The following MEF2A variants were observed in gnomAD, a reference collection of about 807,000 sequenced individuals.
The protein encoded by MEF2A is myocyte enhancer factor 2A.
A neutral mutation model predicts 55.8 loss-of-function variants in MEF2A; 28 were observed. The ratio of observed to expected loss-of-function variants is 0.50; its 90% CI spans 0.37 to 0.69. The LOEUF (loss-of-function observed/expected upper bound fraction) is 0.69, where lower values mean the gene tolerates loss of function less well. MEF2A is among the 30% of genes least tolerant of loss of function. The pLI, the probability that MEF2A is intolerant of heterozygous loss-of-function variation, is 0.00. For missense variants in MEF2A, 528 were observed against 626.2 expected (o/e 0.84, Z 1.67); for synonymous variants, 239 against 227.1 (o/e 1.05, Z -0.47).
chr15:99,651,740 A>G (rs1349558122), intron 4 of MEF2A, among the ~76,000 whole-genome samples: 2 of 152,188 alleles, frequency 1.3e-5, no homozygotes, highest in African/African-American at 4.8e-5. Context: ...ATATTATTTA[A>G]TCATACAATT....
intron 4 of MEF2A, among the ~76,000 whole-genome samples, chr15:99,666,208 C>G (rs1461477787): frequency 1.3e-5 from 2 of 151,972 alleles, no homozygotes; most frequent in East Asian, 1.9e-4. Flanking sequence ...CAGTGATAGA[C>G]TGGATAAAGA....
At chr15:99,578,134 A>C (rs893623026) in intron 1 of MEF2A, among the ~76,000 whole-genome samples, 1 of 152,146 alleles carries the variant, frequency 6.6e-6, no homozygotes, top group African/African-American at 2.4e-5. Flanking sequence ...TTCAGCATTC[A>C]TTGCTGGAAC....
chr15:99,707,453 C>T (rs1374689661), intron 10 of MEF2A, among the ~76,000 whole-genome samples: 1 of 152,084 alleles, frequency 6.6e-6, no homozygotes, highest in Non-Finnish European at 1.5e-5. Flanking sequence ...GCTTTTCCTT[C>T]ATTTATGTTT....
In MEF2A at chr15:99,608,867, C is replaced by T. The variant is rs567799302; in HGVS notation, c.-143+10356C>T. ...AGTGAGTTGAGATCGTGCCATTGGACTCCAGCCTGGGTAATAAGAGTGAAA... is the reference window on the plus strand; with the variant it reads ...AGTGAGTTGAGATCGTGCCATTGGATTCCAGCCTGGGTAATAAGAGTGAAA... On this transcript the variant is annotated intron_variant, in intron 2 of 11. Coordinates refer to ENST00000557942, the MANE Select transcript of MEF2A (RefSeq NM_001319206.4). 4.0e-5 allele frequency among the ~76,000 whole-genome samples: 6 copies of T among 151,816 alleles called. No individual in the cohort carries two copies. The South Asian group carries it at 8.3e-4, about 21-fold the overall frequency.
chr15:99,612,349 G>A (rs955598967), intron 2 of MEF2A, among the ~76,000 whole-genome samples: 1 of 148,668 alleles, frequency 6.7e-6, no homozygotes, highest in Non-Finnish European at 1.5e-5. Context: ...CCCGGGAGGC[G>A]GAGCTTGCAG....
At chr15:99,593,882 G>T (rs1970212151) in intron 1 of MEF2A, among the ~76,000 whole-genome samples, 1 of 152,024 alleles carries the variant, frequency 6.6e-6, no homozygotes, top group Admixed American at 6.6e-5. Context: ...TATTAAAAAA[G>T]ATGTTTTGTT....
chr15:99,598,982 A>T (rs1596371704), intron 2 of MEF2A, among the ~76,000 whole-genome samples: 1 of 152,240 alleles, frequency 6.6e-6, no homozygotes, highest in Non-Finnish European at 1.5e-5. Flanking sequence ...ATTTTAGGGG[A>T]TCTTTTAAAA....
chr15:99,645,181 G>T (rs1359774379), intron 3 of MEF2A, among the ~76,000 whole-genome samples: 1 of 152,170 alleles, frequency 6.6e-6, no homozygotes, highest in Non-Finnish European at 1.5e-5. Flanking sequence ...GTATTTAGTT[G>T]TTTAGGGATC....
At chr15:99,585,470 T>C (rs781188291) in intron 1 of MEF2A, among the ~76,000 whole-genome samples, 2 of 152,238 alleles carry the variant, frequency 1.3e-5, no homozygotes, top group Non-Finnish European at 2.9e-5. Flanking sequence ...TTTAAGACCT[T>C]ATTAGTTTTT....
intron 5 of MEF2A, among the ~76,000 whole-genome samples, chr15:99,674,013 A>G (rs1381311962): frequency 6.6e-6 from 1 of 152,130 alleles, no homozygotes; most frequent in Non-Finnish European, 1.5e-5. Flanking sequence ...TAGAAATGTA[A>G]TGTTATTAAG....
chr15:99,571,765 C>T (rs1399506624), intron 1 of MEF2A, among the ~76,000 whole-genome samples: 1 of 152,104 alleles, frequency 6.6e-6, no homozygotes, highest in East Asian at 1.9e-4. Flanking sequence ...GGTGTCTCTG[C>T]TGGCATTCCC....
At chr15:99,604,660 G>A (rs1217398178) in intron 2 of MEF2A, among the ~76,000 whole-genome samples, 1 of 147,206 alleles carries the variant, frequency 6.8e-6, no homozygotes, top group Non-Finnish European at 1.5e-5. Flanking sequence ...TCCCTATAAT[G>A]TTTGGATGCT....
chr15:99,662,886 A>G (rs994837406), intron 4 of MEF2A, among the ~76,000 whole-genome samples: 1 of 152,216 alleles, frequency 6.6e-6, no homozygotes, highest in African/African-American at 2.4e-5. Flanking sequence ...TGTCATAGCA[A>G]TGAGATTTAA....
chr15:99,691,232 C>T (rs1018176948), intron 8 of MEF2A, among the ~76,000 whole-genome samples: 1 of 151,404 alleles, frequency 6.6e-6, no homozygotes, highest in Non-Finnish European at 1.5e-5. Context: ...GAGGAAACCC[C>T]TCGAATGAGT....
intron 2 of MEF2A, among the ~76,000 whole-genome samples, chr15:99,623,299 C>G (rs984085789): frequency 1.3e-5 from 2 of 152,142 alleles, no homozygotes; most frequent in African/African-American, 2.4e-5. Context: ...TTAGTTTATT[C>G]TCCCACAGGT....
At chr15:99,644,994 T>A (rs902914256) in intron 3 of MEF2A, among the ~76,000 whole-genome samples, 8 of 152,006 alleles carry the variant, frequency 5.3e-5, no homozygotes, top group South Asian at 2.1e-4. Context: ...AATAAAAAAA[T>A]TTTTTGGGGG....
chr15:99,594,883 C>T (rs1225825460), intron 1 of MEF2A, among the ~76,000 whole-genome samples: 1 of 152,210 alleles, frequency 6.6e-6, no homozygotes, highest in Non-Finnish European at 1.5e-5. Context: ...TGTCTGTCTA[C>T]ATGTTCATGG....
chr15:99,579,926 C>CT (rs1271762855), intron 1 of MEF2A, among the ~76,000 whole-genome samples: 1 of 152,032 alleles, frequency 6.6e-6, no homozygotes, highest in African/African-American at 2.4e-5. Flanking sequence ...TTTCCTCTCC[C>CT]TTTTGCCCAT....
Position 99,712,570 on chromosome 15 carries a change from C to A in MEF2A, c.1317C>A (p.Pro439=), listed in dbSNP as rs2058782196. Reference sequence around the variant, plus strand: ...CACCACCGCAGCCCCAGCCACAACCCCCGCAGCCCCAGCCCCGACAGGAAA... The same window carrying A: ...CACCACCGCAGCCCCAGCCACAACCACCGCAGCCCCAGCCCCGACAGGAAA... The part of the protein sequence containing the change: ...PPPPPQPQPQ[P]PQPQPRQEMG... The change falls in exon 12 of 12, where the codon CCC becomes CCA. Residue 439 remains proline (P), a synonymous_variant. Transcript: ENST00000557942. This position sits in a 1 kb window ranked among gnomAD's most constrained non-coding sequence, Gnocchi z 4.1. The A allele has an allele frequency of 2.6e-6, 4 of 1,550,588 alleles. No homozygotes were observed. The African/African-American group carries it at 4.1e-5, about 16-fold the overall frequency.
Sources: allele counts gnomAD v4.1 joint callset (sites outside exome capture counted in the v4.1 genomes callset), GRCh38; gene constraint gnomAD v4.1.1; non-coding constraint Gnocchi (gnomAD v3.1); transcripts MANE v1.5; gene names NCBI Gene and HGNC (gene_info 2026-07-23, HGNC 2026-07-21).